Variants in STK31 observed in about 807,000 individuals in gnomAD.
STK31 encodes the protein serine/threonine kinase 31.
STK31 carries 89 observed loss-of-function variants against 129.7 expected under a neutral mutation model. The ratio of observed to expected loss-of-function variants is 0.69; its 90% CI spans 0.58 to 0.82. The LOEUF is 0.82. Among genes scored for constraint, STK31 ranks in the 40% least tolerant of loss-of-function variants. STK31 has a pLI of 0.00. For synonymous variants in STK31, 448 were observed against 395.3 expected, an observed-to-expected ratio of 1.13 and a Z score of -1.58; for missense variants, 1,187 against 1,176.4, an observed-to-expected ratio of 1.01 and a Z score of -0.13.
In STK31 at chr7:23,832,128, C is replaced by T; in HGVS notation, c.2830-8C>T. On this transcript the variant is annotated splice_region_variant and splice_polypyrimidine_tract_variant and intron_variant, in intron 23 of 23. Transcript: ENST00000355870. ...CCTTTGTTTTGTAACACCTGTTTTT[C>T]CTTGCAGGATGATAAAGTCAAATCC... 1 of 1,597,618 alleles carries T rather than the reference C, an allele frequency of 6.3e-7. No homozygotes were observed. The highest frequency in any genetic ancestry group is 8.6e-7 in the Non-Finnish European group (1 of 1,167,262).
At chr7:23,825,472 A>G (rs1243363857) in intron 23 of STK31, among the ~76,000 whole-genome samples, 3 of 152,004 alleles carry the variant, frequency 2.0e-5, no homozygotes, top group African/African-American at 7.3e-5. Context: ...TATTGCATCT[A>G]TTTGATTCTT....
At chr7:23,720,828 T>C (rs751872204) in intron 4 of STK31, among the ~76,000 whole-genome samples, 17 of 152,300 alleles carry the variant, frequency 1.1e-4, no homozygotes, top group Admixed American at 2.6e-4. Flanking sequence ...CCCCGGAATA[T>C]ATGTACAGCA....
At chr7:23,746,064 C>A (rs1788333024) in intron 8 of STK31, among the ~76,000 whole-genome samples, 1 of 152,166 alleles carries the variant, frequency 6.6e-6, no homozygotes, top group Admixed American at 6.5e-5. Flanking sequence ...AGCTTTGCTC[C>A]AGGGTTGTGG....
chr7:23,795,716 C>T (rs1007884732), intron 22 of STK31, among the ~76,000 whole-genome samples: 2 of 152,230 alleles, frequency 1.3e-5, no homozygotes, highest in African/African-American at 4.8e-5. Context: ...GGAGCCCACT[C>T]TTGCATCAGT....
intron 22 of STK31, among the ~76,000 whole-genome samples, chr7:23,794,915 A>G (rs1791861653): frequency 6.6e-6 from 1 of 152,172 alleles, no homozygotes; most frequent in African/African-American, 2.4e-5. Flanking sequence ...TCACAAAGAT[A>G]TGGTTTGGAA....
At chr7:23,714,118 T>C (rs1786151659) in intron 3 of STK31, among the ~76,000 whole-genome samples, 2 of 152,198 alleles carry the variant, frequency 1.3e-5, no homozygotes, top group Non-Finnish European at 2.9e-5. Flanking sequence ...GGTTCATTCT[T>C]TGACCACAAT....
At chr7:23,799,228 A>T (rs1192894558) in intron 22 of STK31, among the ~76,000 whole-genome samples, 1 of 152,202 alleles carries the variant, frequency 6.6e-6, no homozygotes, top group Non-Finnish European at 1.5e-5. Flanking sequence ...TTCTTCACAG[A>T]ATTAGAAAAA....
chr7:23,802,536 C>T (rs891646129), intron 22 of STK31, among the ~76,000 whole-genome samples: 10 of 152,088 alleles, frequency 6.6e-5, no homozygotes, highest in East Asian at 3.9e-4. Context: ...GTCTTTAAGA[C>T]GCAGTCTCAC....
At chr7:23,712,747 A>G (rs938759972) in intron 3 of STK31, among the ~76,000 whole-genome samples, 1 of 152,036 alleles carries the variant, frequency 6.6e-6, no homozygotes, top group African/African-American at 2.4e-5. Context: ...AACATTTCTG[A>G]TTTTCTGTTG....
chr7:23,742,952 CTTTTTTT>C (rs56363240), intron 8 of STK31, among the ~76,000 whole-genome samples: 1 of 115,570 alleles, frequency 8.7e-6, no homozygotes, highest in Non-Finnish European at 1.9e-5. Context: ...GGGTTTTATA[CTTTTTTT>C]TTTTTTTTTT....
intron 11 of STK31, among the ~76,000 whole-genome samples, chr7:23,764,601 T>C (rs1789695436): frequency 6.6e-6 from 1 of 152,206 alleles, no homozygotes; most frequent in Non-Finnish European, 1.5e-5. Context: ...AATTGTATTC[T>C]CGGTTTTCTT....
chr7:23,730,369 T>TA (rs979690872), intron 6 of STK31, among the ~76,000 whole-genome samples: 7 of 152,298 alleles, frequency 4.6e-5, no homozygotes, highest in African/African-American at 1.2e-4. Context: ...TAGTTACTTA[T>TA]AAAAAACATT....
intron 4 of STK31, 114 bp from the exon 5 acceptor site, chr7:23,727,127 G>A (rs1462346668): frequency 3.8e-6 from 3 of 786,660 alleles, no homozygotes; most frequent in African/African-American, 3.5e-5. Flanking sequence ...AATTAAATGA[G>A]TTATATATAA....
intron 3 of STK31, among the ~76,000 whole-genome samples, chr7:23,716,272 A>C (rs2128061659): frequency 6.6e-6 from 1 of 152,332 alleles, no homozygotes; most frequent in East Asian, 1.9e-4. Context: ...TGAATAGATT[A>C]GCAAGAGTTC....
At chr7:23,792,321 T>A (rs1271128676) in intron 22 of STK31, among the ~76,000 whole-genome samples, 1 of 152,138 alleles carries the variant, frequency 6.6e-6, no homozygotes, top group Non-Finnish European at 1.5e-5. Context: ...TGTTTTTATA[T>A]AAGCAACAAA....
Position 23,830,541 on chromosome 7 carries a change from T to C in STK31, c.2830-1595T>C, listed in dbSNP as rs533296752. On this transcript the variant is annotated intron_variant, in intron 23 of 23. Coordinates refer to ENST00000355870, the MANE Select transcript of STK31 (RefSeq NM_031414.5). ...AGACATTTTCTAATTCCCTCTTTAA[T>C]TTCTTCCTTGACCCAGTGGTCATTC... is the stretch of plus-strand genomic sequence containing the variant. 2.6e-5 allele frequency among the ~76,000 whole-genome samples: 4 copies of C among 152,152 alleles called. No homozygotes were observed. In the East Asian group the frequency reaches 5.8e-4, roughly 22 times the overall value.
chr7:23,753,560 A>G (rs997173328), intron 9 of STK31, among the ~76,000 whole-genome samples: 2 of 152,246 alleles, frequency 1.3e-5, no homozygotes, highest in Non-Finnish European at 2.9e-5. Context: ...TGCAAGAATC[A>G]TACAGATGCC....
At chr7:23,779,976 G>A (rs571009832) in intron 15 of STK31, among the ~76,000 whole-genome samples, 4 of 152,224 alleles carry the variant, frequency 2.6e-5, no homozygotes, top group Non-Finnish European at 5.9e-5. Flanking sequence ...GTATGCATCT[G>A]AGGGAATCTC....
At chr7:23,726,807 T>G (rs1787113285) in intron 4 of STK31, among the ~76,000 whole-genome samples, 1 of 152,198 alleles carries the variant, frequency 6.6e-6, no homozygotes, top group Admixed American at 6.5e-5. Flanking sequence ...TCTTGCTTGG[T>G]AGGAAATATG....
Sources: allele counts gnomAD v4.1 joint callset (sites outside exome capture counted in the v4.1 genomes callset), GRCh38; gene constraint gnomAD v4.1.1; transcripts MANE v1.5; gene names NCBI Gene and HGNC (gene_info 2026-07-23, HGNC 2026-07-21).